Variants in MTCL1 observed in about 807,000 individuals in gnomAD.
The protein encoded by MTCL1 is microtubule cross-linking factor 1.
In MTCL1, 79 loss-of-function variants were observed where a neutral mutation model predicts 141.4. The ratio of observed to expected loss-of-function variants is 0.56; its 90% CI spans 0.47 to 0.67. The LOEUF is 0.67. Among genes scored for constraint, MTCL1 ranks in the 30% least tolerant of loss-of-function variants. MTCL1 has a pLI of 0.00. For missense variants in MTCL1, 2,177 were observed against 2,113.9 expected (o/e 1.03, Z -0.59); for synonymous variants, 914 against 875.8 (o/e 1.04, Z -0.77).
chr18:8,706,529 CG>C lies in MTCL1; in HGVS notation c.875del (p.Gly292ValfsTer63). On this transcript the variant is annotated frameshift_variant, in exon 1 of 14. Coordinates refer to the MTCL1 transcript ENST00000306329. LOFTEE classifies it high-confidence loss of function. ...GGCCGGAGCATCCCGAGCGGGGTTT[CG>C]GGGGGTTTCGCGGGGCCCGGCGTGG... The C allele has an allele frequency of 7.3e-7, 1 of 1,363,796 alleles. No individual in the cohort carries two copies. Among genetic ancestry groups the C allele is most frequent in the South Asian group, 1.7e-5 (1 of 58,342 alleles). 84.5% of individuals were successfully genotyped at this position (1,363,796 alleles called of 1,614,324 possible).
intron 4 of MTCL1, among the ~76,000 whole-genome samples, chr18:8,750,922 G>A (rs1197924926): frequency 3.9e-5 from 6 of 152,160 alleles, no homozygotes; most frequent in Non-Finnish European, 7.3e-5. Context: ...CTCTGGATGC[G>A]TTGATAAAGT....
At chr18:8,775,624 T>C (rs1598602602) in intron 4 of MTCL1, among the ~76,000 whole-genome samples, 1 of 152,206 alleles carries the variant, frequency 6.6e-6, no homozygotes, top group South Asian at 2.1e-4. Flanking sequence ...AAGGTAGAAA[T>C]CTTGGGGAAC....
intron 4 of MTCL1, among the ~76,000 whole-genome samples, chr18:8,755,876 A>C (rs950576452): frequency 6.6e-6 from 1 of 152,246 alleles, no homozygotes; most frequent in Non-Finnish European, 1.5e-5. Context: ...ATGGTGGCTC[A>C]TGCCTGTAAT....
At chr18:8,718,091 T>TCTCGG in intron 2 of MTCL1, 3 of 679,386 alleles carry the variant, frequency 4.4e-6, no homozygotes, top group South Asian at 3.3e-5. Flanking sequence ...AGGTCAATGT[T>TCTCGG]TGGTTTGAAT....
intron 4 of MTCL1, among the ~76,000 whole-genome samples, chr18:8,724,958 A>G (rs1037169995): frequency 7.9e-6 from 1 of 125,866 alleles, no homozygotes; most frequent in African/African-American, 3.8e-5. Context: ...AAACTCAAAC[A>G]ATTTTCATCT....
intron 12 of MTCL1, among the ~76,000 whole-genome samples, chr18:8,817,889 G>C (rs2076710482): frequency 6.6e-6 from 1 of 152,168 alleles, no homozygotes; most frequent in South Asian, 2.1e-4. Flanking sequence ...TGCTTTCTGT[G>C]GCTGTTTTAG....
At chr18:8,775,571 T>TCAAAA (rs61282689) in intron 4 of MTCL1, among the ~76,000 whole-genome samples, 2,053 of 151,936 alleles carry the variant, frequency 0.014, 59 homozygotes, top group African/African-American at 0.048. Flanking sequence ...AGATTCCGTC[T>TCAAAA]CAAAACAAAA....
chr18:8,765,596 G>A (rs762258508), intron 4 of MTCL1, among the ~76,000 whole-genome samples: 1 of 152,220 alleles, frequency 6.6e-6, no homozygotes, highest in African/African-American at 2.4e-5. Flanking sequence ...CCAACCACAC[G>A]AGGGATGGAA....
exon 15 of MTCL1, chr18:8,824,915 G>A: frequency 8.7e-6 from 14 of 1,613,836 alleles, no homozygotes; most frequent in Non-Finnish European, 1.1e-5. Context: ...GGGCCGACAG[G>A]ACCGAGGTGG....
At chr18:8,739,320 G>A (rs929175295) in intron 4 of MTCL1, among the ~76,000 whole-genome samples, 1 of 152,194 alleles carries the variant, frequency 6.6e-6, no homozygotes, top group Non-Finnish European at 1.5e-5. Context: ...GGAGCAGGCA[G>A]GGGCCTATTT....
At chr18:8,780,258 C>T (rs1387754804) in intron 5 of MTCL1, among the ~76,000 whole-genome samples, 1 of 152,234 alleles carries the variant, frequency 6.6e-6, no homozygotes, top group African/African-American at 2.4e-5. Flanking sequence ...GCCTGAGTCC[C>T]TGGTCCACAC....
intron 4 of MTCL1, among the ~76,000 whole-genome samples, chr18:8,739,919 G>C (rs1237298388): frequency 6.6e-6 from 1 of 152,204 alleles, no homozygotes. Flanking sequence ...TTTTAGTAGA[G>C]GTGGGGTTTC....
In MTCL1 at chr18:8,731,117, C is replaced by T. The variant is rs564085843; in HGVS notation, c.357+10621C>T. ...AAAATTAGCCGGCCGTGGTGGCGGGCGCCTGTAGTCATAGCTACTCGGGAG... is the reference window on the plus strand; with the variant it reads ...AAAATTAGCCGGCCGTGGTGGCGGGTGCCTGTAGTCATAGCTACTCGGGAG... On this transcript the variant is annotated intron_variant, in intron 4 of 16. Coordinates refer to ENST00000359865, the Ensembl canonical transcript of MTCL1. 4.6e-5 allele frequency among the ~76,000 whole-genome samples: 7 copies of T among 151,964 alleles called. No individual in the cohort carries two copies. The South Asian group carries it at 6.2e-4, about 14-fold the overall frequency.
At chr18:8,728,076 TAGAA>T (rs1388218777) in intron 4 of MTCL1, among the ~76,000 whole-genome samples, 2 of 152,226 alleles carry the variant, frequency 1.3e-5, no homozygotes, top group Admixed American at 6.5e-5. Context: ...ACAGCCATCT[TAGAA>T]AGCTTCAACT....
intron 4 of MTCL1, among the ~76,000 whole-genome samples, chr18:8,756,507 A>G (rs545806441): frequency 0.026 from 3,876 of 146,428 alleles, 197 homozygotes; most frequent in African/African-American, 0.099. Flanking sequence ...ATATGTGTGT[A>G]TATATATGTG....
chr18:8,739,511 A>G (rs1264951355), intron 4 of MTCL1, among the ~76,000 whole-genome samples: 1 of 152,174 alleles, frequency 6.6e-6, no homozygotes, highest in Non-Finnish European at 1.5e-5. Context: ...TCATGTTAAT[A>G]ATAAGACTGC....
chr18:8,768,607 G>C (rs984356142), intron 4 of MTCL1, among the ~76,000 whole-genome samples: 4 of 152,116 alleles, frequency 2.6e-5, no homozygotes, highest in African/African-American at 9.7e-5. Flanking sequence ...TCTCTGAAAA[G>C]AGGGCAACAT....
intron 10 of MTCL1, among the ~76,000 whole-genome samples, chr18:8,804,747 T>A (rs1434252120): frequency 6.6e-6 from 1 of 152,176 alleles, no homozygotes; most frequent in African/African-American, 2.4e-5. Context: ...ACAATCCCAT[T>A]TTCTGAGGCT....
At chr18:8,798,831 C>T (rs1293532361) in intron 10 of MTCL1, among the ~76,000 whole-genome samples, 1 of 152,130 alleles carries the variant, frequency 6.6e-6, no homozygotes, top group African/African-American at 2.4e-5. Context: ...CAGAAATAGA[C>T]TCTACTTAAT....
Sources: allele counts gnomAD v4.1 joint callset (sites outside exome capture counted in the v4.1 genomes callset), GRCh38; gene constraint gnomAD v4.1.1; transcripts MANE v1.5; gene names NCBI Gene and HGNC (gene_info 2026-07-23, HGNC 2026-07-21).